PRKCE: variants seen among roughly 807,000 people sequenced by gnomAD.
PRKCE encodes protein kinase C epsilon type.
A neutral mutation model predicts 85.4 loss-of-function variants in PRKCE; 16 were observed. The observed-to-expected ratio is 0.19, with a 90% confidence interval of 0.13 to 0.28. The LOEUF (loss-of-function observed/expected upper bound fraction) is 0.28, where lower values mean the gene tolerates loss of function less well. Among genes scored for constraint, PRKCE ranks in the 10% least tolerant of loss-of-function variants. PRKCE has a pLI of 1.00. For synonymous variants in PRKCE, 388 were observed against 371.5 expected (o/e 1.04, Z -0.51); for missense variants, 573 against 975.2 (o/e 0.59, Z 5.49).
In PRKCE at chr2:46,159,873, C is replaced by A; in HGVS notation, c.2067+121C>A. On this transcript the variant is annotated intron_variant, in intron 14 of 14. Transcript: ENST00000306156. This position sits in a 1 kb window ranked among gnomAD's most constrained non-coding sequence, Gnocchi z 4.1. ...CGTATTACAGTAAAAATGACAAAGA[C>A]CAGAGGTGGCTGAGGCTCTCCCTAA... 7.6e-7 allele frequency: 1 copy of A among 1,308,816 alleles called. No homozygotes were observed. The highest frequency in any genetic ancestry group is 1.0e-6 in the Non-Finnish European group (1 of 957,004). The allele number at this position is 1,308,816 out of a possible 1,614,324, so 81.1% of individuals were successfully genotyped here. A position where few individuals can be genotyped will look rare whatever the true frequency, so the allele number is the denominator to read the frequency against.
intron 13 of PRKCE, among the ~76,000 whole-genome samples, chr2:46,154,281 A>G: frequency 6.6e-6 from 1 of 152,066 alleles, no homozygotes; most frequent in South Asian, 2.1e-4. Flanking sequence ...CAAGCCAGTG[A>G]GGAGGCCTCG....
chr2:45,690,937 C>G (rs1275666637), intron 1 of PRKCE, among the ~76,000 whole-genome samples: 1 of 152,232 alleles, frequency 6.6e-6, no homozygotes, highest in African/African-American at 2.4e-5. Flanking sequence ...CCAGCAAAGT[C>G]AGGGCACTGC....
At position 46,041,636 on chromosome 2, in the gene PRKCE, A is replaced by G. The variant is rs1708219423; in HGVS notation, c.1437+31119A>G. Among the ~76,000 whole-genome samples the G allele has an allele frequency of 6.6e-6, 1 of 152,268 alleles. No homozygotes were observed. The highest frequency in any genetic ancestry group is 1.5e-5 in the Non-Finnish European group (1 of 68,050). ...TGTTTACCAAGTTAACTGCCAAGTC[A>G]CAAATAATAGCTTTTTCCCTTAACT... is the stretch of plus-strand genomic sequence containing the variant. On this transcript the variant is annotated intron_variant, in intron 10 of 14. Transcript: ENST00000306156. This position sits in a 1 kb window ranked among gnomAD's most constrained non-coding sequence, Gnocchi z 5.5.
intron 14 of PRKCE, among the ~76,000 whole-genome samples, chr2:46,174,564 C>T (rs1679238873): frequency 6.6e-6 from 1 of 152,202 alleles, no homozygotes; most frequent in African/African-American, 2.4e-5. Flanking sequence ...GTGAGGCATG[C>T]AGCCCTCAGC....
At chr2:46,122,661 T>A (rs534662026) in intron 11 of PRKCE, among the ~76,000 whole-genome samples, 2 of 152,320 alleles carry the variant, frequency 1.3e-5, no homozygotes, top group South Asian at 2.1e-4. Flanking sequence ...TGAAGAATAA[T>A]AATTATTATT....
chr2:45,885,537 A>G (rs1225691746), intron 2 of PRKCE, among the ~76,000 whole-genome samples: 1 of 152,208 alleles, frequency 6.6e-6, no homozygotes, highest in Non-Finnish European at 1.5e-5. Flanking sequence ...AGCCTGGACC[A>G]CTTCATTTAA....
At chr2:46,180,535 A>T (rs1679873140) in intron 14 of PRKCE, among the ~76,000 whole-genome samples, 1 of 152,218 alleles carries the variant, frequency 6.6e-6, no homozygotes, top group Non-Finnish European at 1.5e-5. Flanking sequence ...CACAGAAAGA[A>T]AGGTAAGACT....
At chr2:45,855,497 A>G (rs181968101) in intron 2 of PRKCE, among the ~76,000 whole-genome samples, 5 of 152,360 alleles carry the variant, frequency 3.3e-5, no homozygotes, top group African/African-American at 1.2e-4. Flanking sequence ...AGTCTGTAAC[A>G]TCAGGATTTG....
At chr2:45,755,667 G>A (rs1263860395) in intron 1 of PRKCE, among the ~76,000 whole-genome samples, 2 of 152,222 alleles carry the variant, frequency 1.3e-5, no homozygotes, top group East Asian at 3.8e-4. Context: ...CATGAGGGCA[G>A]CGATTCCCCT....
rs80330507 is a variant in PRKCE at position 45,931,635 on chromosome 2, C to G, written c.413-44794C>G. ...ACTTTGTATGCAATGCTGCGTATGA[C>G]TGATTCTGCCAACTTTTTCATTAAA... On this transcript the variant is annotated intron_variant, in intron 2 of 14. Transcript: ENST00000306156. Among the ~76,000 whole-genome samples the G allele has an allele frequency of 7.7e-3, 1,167 of 152,322 alleles. 4 individuals carry two copies. The highest frequency in any genetic ancestry group is 0.02 in the Middle Eastern group (6 of 294).
chr2:45,928,303 T>C (rs1335643168), intron 2 of PRKCE, among the ~76,000 whole-genome samples: 4 of 152,262 alleles, frequency 2.6e-5, no homozygotes, highest in Non-Finnish European at 5.9e-5. Flanking sequence ...AATCTCCCTC[T>C]GTTCCCCAGG....
chr2:45,828,313 T>A (rs1038221938), intron 1 of PRKCE, among the ~76,000 whole-genome samples: 3 of 152,200 alleles, frequency 2.0e-5, no homozygotes, highest in Non-Finnish European at 4.4e-5. Flanking sequence ...GGCAGGAGAA[T>A]TGCTTGAAGC....
chr2:45,850,585 T>C (rs996093477), intron 2 of PRKCE, among the ~76,000 whole-genome samples: 1 of 152,230 alleles, frequency 6.6e-6, no homozygotes, highest in Admixed American at 6.5e-5. Context: ...ATTACTTTAT[T>C]CTTTTATCCA....
intron 2 of PRKCE, among the ~76,000 whole-genome samples, chr2:45,950,028 A>C (rs570089385): frequency 6.6e-6 from 1 of 152,276 alleles, no homozygotes; most frequent in East Asian, 1.9e-4. Flanking sequence ...TTAAGTTGAA[A>C]ATGCATTAAT....
chr2:45,817,403 A>C (rs976030489), intron 1 of PRKCE, among the ~76,000 whole-genome samples: 1 of 152,170 alleles, frequency 6.6e-6, no homozygotes, highest in African/African-American at 2.4e-5. Flanking sequence ...TTCTTTAAAA[A>C]AACTTTCCGG....
At chr2:45,928,266 A>G (rs189494321) in intron 2 of PRKCE, among the ~76,000 whole-genome samples, 573 of 152,282 alleles carry the variant, frequency 3.8e-3, no homozygotes, top group Middle Eastern at 6.8e-3. Flanking sequence ...ACATTTGAAT[A>G]TAACTTTATA....
At chr2:45,677,696 G>A (rs1676585959) in intron 1 of PRKCE, 1 of 180,728 alleles carries the variant, frequency 5.5e-6, no homozygotes, top group Non-Finnish European at 1.1e-5. Context: ...ACTAGACATG[G>A]ATTAGAACAT....
At chr2:45,839,984 C>T (rs1558736791) in intron 1 of PRKCE, among the ~76,000 whole-genome samples, 2 of 152,142 alleles carry the variant, frequency 1.3e-5, no homozygotes, top group Non-Finnish European at 1.5e-5. Context: ...TGTTAATATC[C>T]GAATACATTT....
chr2:45,820,767 G>A (rs1253786652), intron 1 of PRKCE, among the ~76,000 whole-genome samples: 1 of 152,142 alleles, frequency 6.6e-6, no homozygotes, highest in Non-Finnish European at 1.5e-5. Context: ...GTGCATGGTT[G>A]TTGCAGATTT....
Sources: allele counts gnomAD v4.1 joint callset (sites outside exome capture counted in the v4.1 genomes callset), GRCh38; gene constraint gnomAD v4.1.1; non-coding constraint Gnocchi (gnomAD v3.1); transcripts MANE v1.5; gene names NCBI Gene and HGNC (gene_info 2026-07-23, HGNC 2026-07-21).